Variants in ZFYVE27 observed in about 807,000 individuals in gnomAD.
ZFYVE27 encodes protrudin.
Under a neutral mutation model 52.8 loss-of-function variants are expected in ZFYVE27, and 36 were observed. That is an observed-to-expected ratio of 0.68 (90% CI 0.52 to 0.90). The LOEUF (loss-of-function observed/expected upper bound fraction) is 0.90. Ranked by LOEUF, ZFYVE27 falls within the 40% of genes least tolerant of loss-of-function variation. ZFYVE27 has a pLI of 0.00. For synonymous variants in ZFYVE27, 223 were observed against 215.6 expected (o/e 1.03, Z -0.30); for missense variants, 450 against 527.2 (o/e 0.85, Z 1.43).
At chr10:97,741,091 A>G (rs1478511580) in intron 2 of ZFYVE27, among the ~76,000 whole-genome samples, 1 of 152,196 alleles carries the variant, frequency 6.6e-6, no homozygotes, top group Admixed American at 6.5e-5. Flanking sequence ...TTCAGGAGAA[A>G]GACACAGATG....
chr10:97,757,811 C>A, intron 12 of ZFYVE27, 88 bp downstream of exon 12: 1 of 1,372,500 alleles, frequency 7.3e-7, no homozygotes, highest in South Asian at 1.2e-5. Flanking sequence ...TGTCAGAGGT[C>A]AAGGGAACTT....
In ZFYVE27 at chr10:97,750,449, G is replaced by T. The variant is rs762621225; in HGVS notation, c.783G>T (p.Thr261=). ...VGGKDGLMDS[T]PALTPTEDLT... ...GGAAGGATGGTCTGATGGACAGCACGCCTGCCCTCACACCCACGGAGGTAA... is the reference window on the plus strand; with the variant it reads ...GGAAGGATGGTCTGATGGACAGCACTCCTGCCCTCACACCCACGGAGGTAA... The change falls in exon 7 of 13, where the codon ACG becomes ACT. Residue 261 remains threonine (T), a synonymous_variant. Coordinates refer to ENST00000684270, the MANE Select transcript of ZFYVE27 (RefSeq NM_001385875.1). The T allele has an allele frequency of 6.2e-7, 1 of 1,614,104 alleles. No homozygotes were observed. The highest frequency in any genetic ancestry group is 2.2e-5 in the East Asian group (1 of 44,876).
intron 4 of ZFYVE27, among the ~76,000 whole-genome samples, chr10:97,745,289 C>T (rs2044928762): frequency 6.6e-6 from 1 of 152,152 alleles, no homozygotes; most frequent in Admixed American, 6.5e-5. Flanking sequence ...AAGCGATTCT[C>T]CTGCCTCAGC....
At chr10:97,748,168 A>T in intron 4 of ZFYVE27, 101 bp from the exon 5 acceptor site, 1 of 1,084,026 alleles carries the variant, frequency 9.2e-7, no homozygotes, top group Non-Finnish European at 1.4e-6. Context: ...GAGTGTGTTT[A>T]AAGAGATTGA....
At chr10:97,738,157 T>C (rs2135863904) in intron 1 of ZFYVE27, among the ~76,000 whole-genome samples, 1 of 152,270 alleles carries the variant, frequency 6.6e-6, no homozygotes, top group South Asian at 2.1e-4. Flanking sequence ...GGGAGTGATG[T>C]TTAAGCTGAT....
Position 97,750,423 on chromosome 10 carries a change from G to T in ZFYVE27, c.757G>T (p.Gly253Trp). Residue 253 changes from glycine (G) to tryptophan (W), a missense_variant, in exon 7 of 13, where the codon GGG (glycine) becomes TGG (tryptophan). Physicochemically the swap from Gly to Trp is radical, Grantham distance 184. Transcript: ENST00000684270. ...GAGTCCTCCACCACCAGATGTTGGG[G>T]GGAAGGATGGTCTGATGGACAGCAC... ...FESPPPPDVG[G>W]KDGLMDSTPA... is the part of the protein sequence containing the mutation. 3.1e-6 allele frequency: 5 copies of T among 1,614,080 alleles called. No individual in the cohort carries two copies. Among genetic ancestry groups the T allele is most frequent in the Non-Finnish European group, 4.2e-6 (5 of 1,179,978 alleles).
chr10:97,757,527 C>T (rs1234518858), intron 11 of ZFYVE27, 115 bp from the exon 12 acceptor site: 3 of 1,342,308 alleles, frequency 2.2e-6, no homozygotes, highest in Non-Finnish European at 3.2e-6. Context: ...TCCACTTGGG[C>T]ACCCCCCAGG....
intron 3 of ZFYVE27, among the ~76,000 whole-genome samples, chr10:97,744,262 C>T (rs1270572926): frequency 2.6e-5 from 4 of 152,160 alleles, no homozygotes; most frequent in Non-Finnish European, 2.9e-5. Flanking sequence ...ATCTCGGCTT[C>T]GCCATTTCTC....
At chr10:97,755,922 G>T (rs1415069859) in intron 10 of ZFYVE27, among the ~76,000 whole-genome samples, 1 of 152,192 alleles carries the variant, frequency 6.6e-6, no homozygotes, top group Non-Finnish European at 1.5e-5. Context: ...GGCAGAAAGA[G>T]TTGGTAGGTG....
At chr10:97,753,265 G>T in intron 10 of ZFYVE27, 83 bp downstream of exon 10, 1 of 1,530,898 alleles carries the variant, frequency 6.5e-7, no homozygotes, top group African/African-American at 1.4e-5. Context: ...CAGCCACAGG[G>T]GCAGAGTCTC....
intron 4 of ZFYVE27, among the ~76,000 whole-genome samples, chr10:97,747,189 C>T (rs1479373972): frequency 2.0e-5 from 3 of 152,036 alleles, no homozygotes; most frequent in Non-Finnish European, 4.4e-5. Flanking sequence ...TTGTTTGGTT[C>T]CTTGTGATCA....
intron 10 of ZFYVE27, among the ~76,000 whole-genome samples, chr10:97,755,763 T>C (rs577488998): frequency 4.2e-4 from 64 of 152,268 alleles, no homozygotes; most frequent in African/African-American, 1.5e-3. Context: ...GGAGAGGTCT[T>C]GGTGGGGAGG....
chr10:97,754,313 CTTT>C (rs35784590), intron 10 of ZFYVE27, among the ~76,000 whole-genome samples: 58 of 130,640 alleles, frequency 4.4e-4, no homozygotes, highest in Non-Finnish European at 5.5e-4. Context: ...TTCAAGATCC[CTTT>C]TTTTTTTTTT....
At chr10:97,750,016 A>G (rs2046509882) in intron 6 of ZFYVE27, 1 of 431,822 alleles carries the variant, frequency 2.3e-6, no homozygotes, top group African/African-American at 2.0e-5. Context: ...ACTGAGTCGC[A>G]GAGGCCCGAG....
Position 97,759,308 on chromosome 10 carries a change from G to A in ZFYVE27, c.*8G>A. 8 of 1,614,176 alleles carry A rather than the reference G, an allele frequency of 5.0e-6. No homozygotes were observed. Among genetic ancestry groups the A allele is most frequent in the Non-Finnish European group, 6.8e-6 (8 of 1,180,014 alleles). On this transcript the variant is annotated 3_prime_UTR_variant, in exon 13 of 13. Transcript: ENST00000684270. Reference sequence around the variant, plus strand: ...CAGACCTTGAGCAAGTGAGAAGAGAGGCCAGGGTCCAACCAGGCACCCGTC... The same window carrying A: ...CAGACCTTGAGCAAGTGAGAAGAGAAGCCAGGGTCCAACCAGGCACCCGTC...
intron 4 of ZFYVE27, among the ~76,000 whole-genome samples, chr10:97,747,388 A>G (rs1410699716): frequency 6.6e-6 from 1 of 152,194 alleles, no homozygotes; most frequent in East Asian, 1.9e-4. Flanking sequence ...TCCTCATCAA[A>G]CATTTATCCA....
intron 1 of ZFYVE27, 143 bp from the exon 2 acceptor site, chr10:97,738,334 A>T: frequency 1.2e-6 from 1 of 835,942 alleles, no homozygotes; most frequent in Non-Finnish European, 2.0e-6. Flanking sequence ...TTGGATGGAG[A>T]GTACAAAGAA....
At chr10:97,749,409 G>A (rs1465333953) in intron 5 of ZFYVE27, 65 bp from the exon 6 acceptor site, 2 of 1,243,152 alleles carry the variant, frequency 1.6e-6, no homozygotes, top group African/African-American at 1.5e-5. Context: ...CTGTGGGTGT[G>A]CTCCAAACCC....
intron 4 of ZFYVE27, among the ~76,000 whole-genome samples, chr10:97,745,855 A>C (rs968968656): frequency 4.6e-5 from 7 of 152,032 alleles, no homozygotes; most frequent in Non-Finnish European, 1.0e-4. Context: ...CCTTCCCTGG[A>C]GTGGGGTCTC....
Sources: gnomAD v4.1 joint callset for allele counts (sites outside exome capture counted in the v4.1 genomes callset) on GRCh38, gnomAD v4.1.1 for gene constraint, MANE v1.5 for transcripts, NCBI Gene and HGNC (gene_info 2026-07-23, HGNC 2026-07-21) for gene names.